The following STAC variants were observed in gnomAD, a reference collection of about 807,000 sequenced individuals.
STAC encodes SH3 and cysteine-rich domain-containing protein.
Under a neutral mutation model 48.8 loss-of-function variants are expected in STAC, and 43 were observed. The observed-to-expected ratio is 0.88, with a 90% CI of 0.69 to 1.14. STAC has a LOEUF of 1.14. Ranked by LOEUF, STAC falls within the 50% of genes most tolerant of loss-of-function variation. The pLI, the probability that STAC is intolerant of heterozygous loss-of-function variation, is 0.00. For missense variants in STAC, 497 were observed against 504.0 expected, an observed-to-expected ratio of 0.99 and a Z score of 0.13; for synonymous variants, 193 against 179.5, an observed-to-expected ratio of 1.07 and a Z score of -0.60.
At chr3:36,480,942 C>T (rs954183168) in intron 2 of STAC, among the ~76,000 whole-genome samples, 13 of 152,162 alleles carry the variant, frequency 8.5e-5, no homozygotes, top group African/African-American at 2.9e-4. Context: ...CTAAAACAAA[C>T]TTTCAAATAA....
At chr3:36,491,567 G>C (rs1179871932) in intron 5 of STAC, among the ~76,000 whole-genome samples, 1 of 151,990 alleles carries the variant, frequency 6.6e-6, no homozygotes, top group Non-Finnish European at 1.5e-5. Flanking sequence ...GCTGTGTCAT[G>C]ATAGTAGCAG....
chr3:36,467,575 G>C (rs1697214218), intron 2 of STAC, among the ~76,000 whole-genome samples: 1 of 151,948 alleles, frequency 6.6e-6, no homozygotes, highest in Non-Finnish European at 1.5e-5. Context: ...ATCTAAGAGG[G>C]TTGTATATTT....
chr3:36,522,155 A>G (rs1226696449), intron 8 of STAC, among the ~76,000 whole-genome samples: 2 of 152,186 alleles, frequency 1.3e-5, no homozygotes, highest in Non-Finnish European at 1.5e-5. Flanking sequence ...CATGCATAAT[A>G]TATAAGTATA....
rs923954519 is a variant in STAC at position 36,446,287 on chromosome 3, C to T, written c.388+2647C>T. Among the ~76,000 whole-genome samples, 10 of 152,368 alleles carry T rather than the reference C, an allele frequency of 6.6e-5. No homozygotes were observed. The East Asian group carries it at 1.7e-3, about 26-fold the overall frequency. On this transcript the variant is annotated intron_variant, in intron 2 of 10. Transcript: ENST00000273183. The stretch of plus-strand genomic sequence containing the variant: ...AGCAAGCCAAAGATGCTCAACCCAG[C>T]TCTTCATGGAGACATGAGAGAAATA...
intron 5 of STAC, among the ~76,000 whole-genome samples, chr3:36,487,467 T>C (rs1277269098): frequency 6.6e-6 from 1 of 152,204 alleles, no homozygotes; most frequent in Non-Finnish European, 1.5e-5. Flanking sequence ...GTACATAAAA[T>C]TGACATCAGA....
intron 2 of STAC, among the ~76,000 whole-genome samples, chr3:36,476,480 A>G (rs1337409635): frequency 6.6e-6 from 1 of 152,188 alleles, no homozygotes; most frequent in Non-Finnish European, 1.5e-5. Context: ...CCTTACCAGA[A>G]ACCATAAATG....
chr3:36,532,455 A>G (rs1476579916), intron 10 of STAC, among the ~76,000 whole-genome samples: 1 of 152,158 alleles, frequency 6.6e-6, no homozygotes, highest in East Asian at 1.9e-4. Flanking sequence ...GCTGACATGA[A>G]ATATACCTCA....
chr3:36,492,505 G>A (rs1285628202), intron 5 of STAC, among the ~76,000 whole-genome samples: 2 of 152,198 alleles, frequency 1.3e-5, no homozygotes, highest in East Asian at 1.9e-4. Context: ...GAATAAATGA[G>A]ATGGTATCTA....
chr3:36,505,752 CT>C lies in STAC; in HGVS notation c.841del (p.Ser281ProfsTer7). 1.9e-6 allele frequency: 3 copies of C among 1,588,246 alleles called. No individual in the cohort carries two copies. Among genetic ancestry groups the C allele is most frequent in the Non-Finnish European group, 2.6e-6 (3 of 1,168,086 alleles). On this transcript the variant is annotated frameshift_variant, in exon 8 of 11. Transcript: ENST00000273183. LOFTEE classifies it high-confidence loss of function. ...PAKNINHQGS[L>X]SKDPLQMNTY... The stretch of plus-strand genomic sequence containing the variant: ...CTTTTATTTTCTCTTTCAGGGATCT[CT>C]TTCCAAAGACCCATTACAGATGAAC...
intron 1 of STAC, among the ~76,000 whole-genome samples, chr3:36,385,487 T>G (rs932951728): frequency 1.3e-5 from 2 of 152,112 alleles, no homozygotes; most frequent in African/African-American, 4.8e-5. Context: ...TGTATTATAG[T>G]CTTTTTTTTA....
chr3:36,546,093 C>T lies in STAC; in HGVS notation c.1111-98C>T. On this transcript the variant is annotated intron_variant, in intron 10 of 10. Coordinates refer to ENST00000273183, the MANE Select transcript of STAC (RefSeq NM_003149.3). ...CTGCTCTCCCTTTTCCAGTTTGTTG[C>T]TCCTGCAACCTCAGTCAGCAGGGAT... The T allele has an allele frequency of 3.2e-6, 3 of 939,686 alleles. No individual in the cohort carries two copies. In the South Asian group the frequency reaches 4.4e-5, roughly 14 times the overall value. The allele number at this position is 939,686 out of a possible 1,614,324, so 58.2% of individuals were successfully genotyped here.
intron 2 of STAC, among the ~76,000 whole-genome samples, chr3:36,477,297 A>C (rs901874964): frequency 1.3e-5 from 2 of 152,140 alleles, no homozygotes; most frequent in African/African-American, 4.8e-5. Flanking sequence ...ATGTTTACTC[A>C]TTCTCCAAAT....
intron 2 of STAC, among the ~76,000 whole-genome samples, chr3:36,473,667 C>A (rs1250741260): frequency 6.6e-6 from 1 of 152,140 alleles, no homozygotes; most frequent in Admixed American, 6.5e-5. Flanking sequence ...TCTTTATAAA[C>A]TATATATGTA....
At chr3:36,439,964 T>A (rs1696292929) in intron 1 of STAC, among the ~76,000 whole-genome samples, 1 of 152,222 alleles carries the variant, frequency 6.6e-6, no homozygotes, top group Non-Finnish European at 1.5e-5. Context: ...CTTTGACAGT[T>A]CTGACTCCTC....
intron 8 of STAC, among the ~76,000 whole-genome samples, chr3:36,510,223 T>G (rs1698502273): frequency 1.3e-5 from 2 of 152,110 alleles, no homozygotes; most frequent in African/African-American, 4.8e-5. Flanking sequence ...TCACTGGTCA[T>G]TAGAAAAAAG....
At chr3:36,489,280 A>G (rs1304763705) in intron 5 of STAC, among the ~76,000 whole-genome samples, 1 of 152,204 alleles carries the variant, frequency 6.6e-6, no homozygotes, top group African/African-American at 2.4e-5. Context: ...GTGAATACTC[A>G]AGAAATGTGT....
Position 36,433,954 on chromosome 3 carries a change from A to T in STAC, c.112-9410A>T, listed in dbSNP as rs549133205. Among the ~76,000 whole-genome samples, 10 of 152,374 alleles carry T rather than the reference A, an allele frequency of 6.6e-5. No homozygotes were observed. In the East Asian group the frequency reaches 1.5e-3, roughly 23 times the overall value. ...CGAAGTTACCATCCAAACTAAAGCAAATCAGTACCTGGAATGTATTGTACT... is the reference window on the plus strand; with the variant it reads ...CGAAGTTACCATCCAAACTAAAGCATATCAGTACCTGGAATGTATTGTACT... On this transcript the variant is annotated intron_variant, in intron 1 of 10. Coordinates refer to ENST00000273183, the MANE Select transcript of STAC (RefSeq NM_003149.3).
chr3:36,472,237 CTGGAG>C (rs1480452746), intron 2 of STAC, among the ~76,000 whole-genome samples: 1 of 152,254 alleles, frequency 6.6e-6, no homozygotes, highest in Non-Finnish European at 1.5e-5. Context: ...TCAGCCATGG[CTGGAG>C]TGACTGGGAC....
intron 8 of STAC, among the ~76,000 whole-genome samples, chr3:36,525,767 C>T (rs1373301963): frequency 6.6e-6 from 1 of 152,048 alleles, no homozygotes. Context: ...TCAGCCACCT[C>T]GCTTTCTGCG....
Sources: allele counts gnomAD v4.1 joint callset (sites outside exome capture counted in the v4.1 genomes callset), GRCh38; gene constraint gnomAD v4.1.1; transcripts MANE v1.5; gene names NCBI Gene and HGNC (gene_info 2026-07-23, HGNC 2026-07-21).